ATP13A4: variants seen among roughly 807,000 people sequenced by gnomAD.
ATP13A4 encodes the protein ATPase 13A4, also known as probable cation-transporting ATPase 13A4.
Under a neutral mutation model 142.5 loss-of-function variants are expected in ATP13A4, and 114 were observed. The observed-to-expected ratio is 0.80, with a 90% CI of 0.69 to 0.93. The LOEUF (loss-of-function observed/expected upper bound fraction) is 0.93. Ranked by LOEUF, ATP13A4 falls within the 40% of genes least tolerant of loss-of-function variation. ATP13A4 has a pLI of 0.00. For missense variants in ATP13A4, 1,392 were observed against 1,454.0 expected, an observed-to-expected ratio of 0.96 and a Z score of 0.69; for synonymous variants, 488 against 514.8, an observed-to-expected ratio of 0.95 and a Z score of 0.70.
At chr3:193,505,388 A>T (rs1236499579) in intron 2 of ATP13A4, among the ~76,000 whole-genome samples, 1 of 152,132 alleles carries the variant, frequency 6.6e-6, no homozygotes, top group African/African-American at 2.4e-5. Flanking sequence ...GCACCAACTA[A>T]CTGTATGCCT....
intron 25 of ATP13A4, among the ~76,000 whole-genome samples, chr3:193,426,429 T>C (rs1380628008): frequency 6.6e-6 from 1 of 151,846 alleles, no homozygotes; most frequent in Non-Finnish European, 1.5e-5. Flanking sequence ...ATTAAGATGT[T>C]TGTACTATCC....
chr3:193,541,378 CAGATTATCTATCTGTGATTATCGATCA>C (rs1380755242), intron 1 of ATP13A4, among the ~76,000 whole-genome samples: 5 of 115,882 alleles, frequency 4.3e-5, no homozygotes, highest in Non-Finnish European at 8.2e-5. Context: ...TTATCGATCA[CAGATTATCTATCTGTGATTATCGATCA>C]CAGATTATCT....
In ATP13A4 at chr3:193,419,536, G is replaced by C. The variant is rs1403828547; in HGVS notation, c.2843-4786C>G. 3.4e-5 allele frequency among the ~76,000 whole-genome samples: 5 copies of C among 145,882 alleles called. 1 individual carries two copies. The highest frequency in any genetic ancestry group is 7.5e-5 in the Non-Finnish European group (5 of 66,956). On this transcript the variant is annotated intron_variant, in intron 25 of 29. Transcript: ENST00000342695. ...TCCCAGGAACTGGTGTGTTGGCCAA[G>C]AGCAGTCATACCTCACTTCCCCGAC...
chr3:193,511,985 T>C (rs1721164430), intron 2 of ATP13A4, among the ~76,000 whole-genome samples: 2 of 152,176 alleles, frequency 1.3e-5, no homozygotes, highest in Non-Finnish European at 2.9e-5. Flanking sequence ...TTTCCTCCCT[T>C]CCTTTTCCAT....
In ATP13A4 at chr3:193,516,578, G is replaced by A. The variant is rs1418719308; in HGVS notation, c.61-1707C>T. Among the ~76,000 whole-genome samples, 6 of 152,250 alleles carry A rather than the reference G, an allele frequency of 3.9e-5. No homozygotes were observed. In the South Asian group the frequency reaches 1.0e-3, roughly 26 times the overall value. On this transcript the variant is annotated intron_variant, in intron 1 of 29. Coordinates refer to ENST00000342695, the MANE Select transcript of ATP13A4 (RefSeq NM_032279.4). ...GTCTTAATTTCCTTACTTGTCCTGA[G>A]TCCAGCTACCATTCTTTCCCATGTG...
intron 18 of ATP13A4, 101 bp from the exon 19 acceptor site, chr3:193,442,657 G>T (rs891218801): frequency 1.7e-6 from 2 of 1,196,226 alleles, no homozygotes; most frequent in Non-Finnish European, 2.5e-6. Context: ...CTTATTTCAG[G>T]TATGAAGAGA....
intron 14 of ATP13A4, chr3:193,458,865 C>A (rs181481790): frequency 3.1e-6 from 2 of 645,928 alleles, no homozygotes; most frequent in East Asian, 5.4e-5. Flanking sequence ...CTTACTGCAT[C>A]ATCTCATTTA....
Position 193,448,315 on chromosome 3 carries a change from T to G in ATP13A4, c.2043A>C (p.Ser681=), listed in dbSNP as rs1717073435. 6.2e-7 allele frequency: 1 copy of G among 1,614,132 alleles called. No individual in the cohort carries two copies. Among genetic ancestry groups the G allele is most frequent in the East Asian group, 2.2e-5 (1 of 44,892 alleles). ...TCAGCAGCCCCAGAAATATCAGGTC[T>G]GATTCTACCGTCTCCCTGAAAATAC... is the stretch of plus-strand genomic sequence containing the variant. ...ATTLTRETVE[S]DLIFLGLLIL... Residue 681 remains serine (S), a synonymous_variant, in exon 18 of 30, where the codon TCA becomes TCC. Transcript: ENST00000342695.
chr3:193,530,735 G>A (rs542337237), intron 1 of ATP13A4, among the ~76,000 whole-genome samples: 1 of 152,272 alleles, frequency 6.6e-6, no homozygotes, highest in African/African-American at 2.4e-5. Flanking sequence ...TGGTTTGCCT[G>A]AGGGGTTTCT....
intron 2 of ATP13A4, among the ~76,000 whole-genome samples, chr3:193,509,128 C>T (rs543952036): frequency 7.9e-5 from 12 of 152,158 alleles, no homozygotes; most frequent in Non-Finnish European, 1.6e-4. Flanking sequence ...AGTTCTTTGC[C>T]CCCATATTCC....
chr3:193,465,896 G>A (rs535809528), intron 11 of ATP13A4, 129 bp downstream of exon 11: 9 of 1,058,012 alleles, frequency 8.5e-6, no homozygotes, highest in Admixed American at 7.5e-5. Context: ...AAGTCTATAC[G>A]TAGGCATCAG....
chr3:193,465,996 C>T (rs1718255598), intron 11 of ATP13A4, 29 bp downstream of exon 11: 1 of 1,610,352 alleles, frequency 6.2e-7, no homozygotes, highest in African/African-American at 1.3e-5. Flanking sequence ...AGTGTGTGTG[C>T]ATTTAATAAA....
rs534006350 is a variant in ATP13A4 at position 193,401,641 on chromosome 3, C to T, written c.*1011G>A. Among the ~76,000 whole-genome samples, 9 of 152,292 alleles carry T rather than the reference C, an allele frequency of 5.9e-5. No homozygotes were observed. The South Asian group carries it at 1.9e-3, about 32-fold the overall frequency. On this transcript the variant is annotated 3_prime_UTR_variant, in exon 30 of 30. Coordinates refer to ENST00000342695, the MANE Select transcript of ATP13A4 (RefSeq NM_032279.4). ...CTCCTTCCCAGGACTACGTTCCAGA[C>T]CAACTCTATCATTTGTGGGGCCTGG...
intron 10 of ATP13A4, 74 bp from the exon 11 acceptor site, chr3:193,466,256 G>A (rs1718280812): frequency 6.4e-7 from 1 of 1,565,440 alleles, no homozygotes; most frequent in East Asian, 2.2e-5. Flanking sequence ...CCTCAACACT[G>A]CCTTTGTTTT....
intron 8 of ATP13A4, among the ~76,000 whole-genome samples, chr3:193,472,706 C>A (rs1026827080): frequency 2.6e-5 from 4 of 152,268 alleles, no homozygotes; most frequent in African/African-American, 7.2e-5. Context: ...AAGACAGGAA[C>A]AGAAACGTGT....
intron 24 of ATP13A4, among the ~76,000 whole-genome samples, chr3:193,434,917 C>T (rs1716176362): frequency 6.6e-6 from 1 of 152,114 alleles, no homozygotes; most frequent in African/African-American, 2.4e-5. Flanking sequence ...ACTTAAAAGT[C>T]AATTGCTAAA....
rs1491398116 is a variant in ATP13A4, at chr3:193,582,636, TTA to T, written n.92-732_92-731del. On this transcript the variant is annotated intron_variant and non_coding_transcript_variant, in intron 1 of 3. Coordinates refer to the ATP13A4 transcript ENST00000489140. ...ATATTATATATGTATATTACATACA[TTA>T]TATATGTATATTACATACATTATAT... Among the ~76,000 whole-genome samples the T allele has an allele frequency of 2.3e-5, 2 of 88,564 alleles. 1 individual carries two copies. Among genetic ancestry groups the T allele is most frequent in the African/African-American group, 1.2e-4 (2 of 17,216 alleles). The allele number at this position is 88,564 out of a possible 152,430, so 58.1% of individuals were successfully genotyped here.
At chr3:193,478,364 T>A (rs1245995527) in intron 8 of ATP13A4, among the ~76,000 whole-genome samples, 1 of 150,676 alleles carries the variant, frequency 6.6e-6, no homozygotes, top group Non-Finnish European at 1.5e-5. Context: ...TAAATAAAAT[T>A]GATGGACCAT....
intron 20 of ATP13A4, 73 bp from the exon 21 acceptor site, chr3:193,440,710 G>A: frequency 6.8e-7 from 1 of 1,472,454 alleles, no homozygotes; most frequent in Non-Finnish European, 9.5e-7. Flanking sequence ...CTAACACTCA[G>A]AATGTTGACT....
Sources: allele counts gnomAD v4.1 joint callset (sites outside exome capture counted in the v4.1 genomes callset), GRCh38; gene constraint gnomAD v4.1.1; transcripts MANE v1.5; gene names NCBI Gene and HGNC (gene_info 2026-07-23, HGNC 2026-07-21).